ZNF804A: variants seen among roughly 807,000 people sequenced by gnomAD.
ZNF804A encodes the protein zinc finger protein 804A.
Under a neutral mutation model 16.5 loss-of-function variants are expected in ZNF804A, and 2 were observed. That is an observed-to-expected ratio of 0.12 (90% CI 0.05 to 0.38). The LOEUF (loss-of-function observed/expected upper bound fraction) is 0.38. ZNF804A is among the 10% of genes least tolerant of loss of function. The pLI, the probability that ZNF804A is intolerant of heterozygous loss-of-function variation, is 0.99. For missense variants in ZNF804A, 1,473 were observed against 1,390.7 expected (o/e 1.06, Z -0.94); for synonymous variants, 534 against 489.6 (o/e 1.09, Z -1.20).
intron 2 of ZNF804A, among the ~76,000 whole-genome samples, chr2:184,909,054 T>G (rs975611706): frequency 6.6e-6 from 1 of 152,128 alleles, no homozygotes; most frequent in Admixed American, 6.6e-5. Context: ...ATAGCTCCTT[T>G]GGAAACTGTT....
At chr2:184,915,733 T>C (rs1390869237) in intron 2 of ZNF804A, among the ~76,000 whole-genome samples, 1 of 152,114 alleles carries the variant, frequency 6.6e-6, no homozygotes, top group Admixed American at 6.6e-5. Context: ...CTTGAGTTAA[T>C]GGAATCTAAA....
At chr2:184,906,286 C>A (rs776465901) in intron 2 of ZNF804A, among the ~76,000 whole-genome samples, 1 of 151,868 alleles carries the variant, frequency 6.6e-6, no homozygotes, top group Non-Finnish European at 1.5e-5. Context: ...AATGCATTTC[C>A]ATTTCTTTTT....
At chr2:184,868,896 T>A (rs1037321421) in intron 2 of ZNF804A, among the ~76,000 whole-genome samples, 1 of 152,152 alleles carries the variant, frequency 6.6e-6, no homozygotes, top group Non-Finnish European at 1.5e-5. Context: ...AATATTAAGC[T>A]CTCTGAAGAT....
intron 1 of ZNF804A, among the ~76,000 whole-genome samples, chr2:184,715,556 T>G (rs749761988): frequency 2.0e-5 from 3 of 151,928 alleles, no homozygotes; most frequent in Non-Finnish European, 4.4e-5. Flanking sequence ...CTCAGCTGAT[T>G]TTTTAATTTT....
intron 1 of ZNF804A, among the ~76,000 whole-genome samples, chr2:184,676,937 ATATT>A (rs1692446373): frequency 6.6e-6 from 1 of 151,894 alleles, no homozygotes; most frequent in South Asian, 2.1e-4. Flanking sequence ...TATTAAAAAA[ATATT>A]TATTTAACTT....
At chr2:184,872,788 C>A (rs896176005) in intron 2 of ZNF804A, among the ~76,000 whole-genome samples, 2 of 152,006 alleles carry the variant, frequency 1.3e-5, no homozygotes, top group African/African-American at 2.4e-5. Context: ...AGAATGAATA[C>A]GGTCCTGAAG....
intron 1 of ZNF804A, among the ~76,000 whole-genome samples, chr2:184,749,971 A>G (rs1193563177): frequency 2.6e-5 from 4 of 151,322 alleles, no homozygotes; most frequent in Non-Finnish European, 5.9e-5. Flanking sequence ...TTGCATAAAG[A>G]TAATGAATAC....
At chr2:184,684,935 T>C (rs1692603410) in intron 1 of ZNF804A, among the ~76,000 whole-genome samples, 1 of 152,146 alleles carries the variant, frequency 6.6e-6, no homozygotes, top group Non-Finnish European at 1.5e-5. Context: ...ATATAGGTCA[T>C]GGGATCTATG....
At chr2:184,727,704 G>A (rs993236040) in intron 1 of ZNF804A, among the ~76,000 whole-genome samples, 3 of 151,642 alleles carry the variant, frequency 2.0e-5, no homozygotes, top group Admixed American at 6.6e-5. Flanking sequence ...AGTATTGCAT[G>A]CAATGCTTAA....
chr2:184,653,483 G>A (rs1460906534), intron 1 of ZNF804A, among the ~76,000 whole-genome samples: 1 of 152,194 alleles, frequency 6.6e-6, no homozygotes, highest in African/African-American at 2.4e-5. Context: ...AAGTTTCAGA[G>A]CAGGTTGGAA....
At position 184,937,429 on chromosome 2, in the gene ZNF804A, A is replaced by ATACTGAATACAACACTTATGATAC. The variant is rs1685810257; in HGVS notation, c.2036_2059dup (p.Thr679_Thr686dup). 6.2e-7 allele frequency: 1 copy of ATACTGAATACAACACTTATGATAC among 1,612,600 alleles called. No homozygotes were observed. The highest frequency in any genetic ancestry group is 8.5e-7 in the Non-Finnish European group (1 of 1,179,488). On this transcript the variant is annotated inframe_insertion, in exon 4 of 4. Transcript: ENST00000302277. ...AATGAAGAAATGTGTAAAACATGGAATACTGAATACAACACTTATGATACT... is the reference window on the plus strand; with the variant it reads ...AATGAAGAAATGTGTAAAACATGGAATACTGAATACAACACTTATGATACTACTGAATACAACACTTATGATACT...
intron 2 of ZNF804A, among the ~76,000 whole-genome samples, chr2:184,879,786 G>T (rs1263117846): frequency 2.0e-5 from 3 of 151,938 alleles, no homozygotes; most frequent in Non-Finnish European, 4.4e-5. Flanking sequence ...ACATTGCAAA[G>T]AATACAGAAC....
At chr2:184,751,271 G>A (rs1693873571) in intron 1 of ZNF804A, among the ~76,000 whole-genome samples, 2 of 151,180 alleles carry the variant, frequency 1.3e-5, no homozygotes, top group East Asian at 1.9e-4. Flanking sequence ...TGCACAATGG[G>A]GAAAGAATAG....
At chr2:184,648,353 A>G (rs188501266) in intron 1 of ZNF804A, among the ~76,000 whole-genome samples, 19 of 152,312 alleles carry the variant, frequency 1.2e-4, no homozygotes, top group Admixed American at 7.2e-4. Context: ...ATCACGCAAT[A>G]GAAACTCAAG....
At chr2:184,858,765 T>G (rs1327684429) in intron 1 of ZNF804A, among the ~76,000 whole-genome samples, 2 of 152,182 alleles carry the variant, frequency 1.3e-5, no homozygotes, top group Admixed American at 6.5e-5. Context: ...GTACTCACTT[T>G]TATCAGTCAG....
intron 2 of ZNF804A, among the ~76,000 whole-genome samples, chr2:184,887,648 G>A (rs1684916907): frequency 6.6e-6 from 1 of 152,104 alleles, no homozygotes; most frequent in Admixed American, 6.6e-5. Flanking sequence ...AAAACGAGGA[G>A]GAAGCAAAAG....
intron 1 of ZNF804A, among the ~76,000 whole-genome samples, chr2:184,781,362 A>G (rs922032878): frequency 6.6e-6 from 1 of 151,764 alleles, no homozygotes; most frequent in South Asian, 2.1e-4. Flanking sequence ...ACTTTTCCCC[A>G]GGAGAGAATA....
intron 2 of ZNF804A, among the ~76,000 whole-genome samples, chr2:184,882,343 C>A (rs1197874998): frequency 6.6e-6 from 1 of 151,970 alleles, no homozygotes; most frequent in Non-Finnish European, 1.5e-5. Context: ...ACTTCAATAA[C>A]CGTAACATAA....
chr2:184,714,175 T>C (rs1693178611), intron 1 of ZNF804A, among the ~76,000 whole-genome samples: 2 of 152,148 alleles, frequency 1.3e-5, no homozygotes, highest in South Asian at 4.1e-4. Context: ...CTGCTTCAAA[T>C]GGTTCCTAAT....
Sources: gnomAD v4.1 joint callset for allele counts (sites outside exome capture counted in the v4.1 genomes callset) on GRCh38, gnomAD v4.1.1 for gene constraint, MANE v1.5 for transcripts, NCBI Gene and HGNC (gene_info 2026-07-23, HGNC 2026-07-21) for gene names.